The following PPP1R9A variants were observed in gnomAD, a reference collection of about 807,000 sequenced individuals.
PPP1R9A encodes the protein protein phosphatase 1 regulatory subunit 9A, also known as neurabin-1.
A neutral mutation model predicts 141.9 loss-of-function variants in PPP1R9A; 59 were observed. That is an observed-to-expected ratio of 0.42 (90% CI 0.34 to 0.52). The LOEUF (loss-of-function observed/expected upper bound fraction) is 0.52. Ranked by LOEUF, PPP1R9A falls within the 20% of genes least tolerant of loss-of-function variation. The probability of loss-of-function intolerance (pLI) is 0.10; values close to 1 mark genes in which losing one functional copy is unlikely to be tolerated. For missense variants in PPP1R9A, 1,444 were observed against 1,611.9 expected, an observed-to-expected ratio of 0.90 and a Z score of 1.78; for synonymous variants, 500 against 569.7, an observed-to-expected ratio of 0.88 and a Z score of 1.74.
Position 94,910,694 on chromosome 7 carries a change from G to A in PPP1R9A, c.581G>A (p.Arg194Gln), listed in dbSNP as rs1367953781. 9 of 1,614,124 alleles carry A rather than the reference G, an allele frequency of 5.6e-6. No individual in the cohort carries two copies. The East Asian group carries it at 6.7e-5, about 12-fold the overall frequency. The change falls in exon 2 of 20, where the codon CGA (arginine) becomes CAA (glutamine). Residue 194 changes from arginine (R) to glutamine (Q), a missense_variant. By Grantham distance (43) the Arg-to-Gln change is conservative. Transcript: ENST00000433360. The surrounding 1 kb of genome is among the most constrained non-coding windows in gnomAD (Gnocchi z 4.5). Reference sequence around the variant, plus strand: ...GATTCCTTGGACAGCCTTAGCTCCCGAACTGAGGCTGTCTCCCCAACTGTG... The same window carrying A: ...GATTCCTTGGACAGCCTTAGCTCCCAAACTGAGGCTGTCTCCCCAACTGTG... ...STDSLDSLSS[R>Q]TEAVSPTVSQ...
chr7:94,992,040 G>A (rs1801581233), intron 2 of PPP1R9A, among the ~76,000 whole-genome samples: 1 of 152,216 alleles, frequency 6.6e-6, no homozygotes, highest in South Asian at 2.1e-4. Flanking sequence ...CGTATTTAAA[G>A]TATACTATTT....
intron 5 of PPP1R9A, among the ~76,000 whole-genome samples, chr7:95,197,558 T>G (rs1471940454): frequency 6.6e-6 from 1 of 152,198 alleles, no homozygotes; most frequent in Non-Finnish European, 1.5e-5. Flanking sequence ...GTTTTTCATT[T>G]TAAAAACAAA....
chr7:95,198,429 G>A lies in PPP1R9A; in HGVS notation c.1835G>A (p.Arg612His), dbSNP rs747601107. ...LISQTLEQER[R>H]QRELLEQHYA... ...AGCCAGACACTGGAACAGGAGAGGC[G>A]CCAGAGAGAGCTGCTGGAACAGCAC... Residue 612 changes from arginine (R) to histidine (H), a missense_variant, in exon 6 of 20, where the codon CGC becomes CAC. Arg to His is a conservative substitution (Grantham distance 29). Transcript: ENST00000433360. The A allele has an allele frequency of 7.4e-6, 12 of 1,613,118 alleles. No homozygotes were observed. Among genetic ancestry groups the A allele is most frequent in the South Asian group, 5.5e-5 (5 of 90,934 alleles).
intron 2 of PPP1R9A, among the ~76,000 whole-genome samples, chr7:95,073,819 C>G (rs1022959765): frequency 1.3e-5 from 2 of 151,968 alleles, no homozygotes; most frequent in Non-Finnish European, 2.9e-5. Context: ...TGGGCCCAAG[C>G]AATCCTCCTG....
At chr7:95,038,327 G>A (rs1271968717) in intron 2 of PPP1R9A, among the ~76,000 whole-genome samples, 1 of 152,094 alleles carries the variant, frequency 6.6e-6, no homozygotes, top group African/African-American at 2.4e-5. Context: ...GGTAGGAACA[G>A]TTTAAATGGC....
chr7:95,070,602 T>TATATATATATATATATATAC (rs1563193398), intron 2 of PPP1R9A, among the ~76,000 whole-genome samples: 1 of 125,622 alleles, frequency 8.0e-6, no homozygotes, highest in Non-Finnish European at 1.8e-5. Flanking sequence ...GGTATATATA[T>TATATATATATATATATATAC]ATATATATAC....
intron 16 of PPP1R9A, among the ~76,000 whole-genome samples, chr7:95,275,370 T>C (rs527632924): frequency 7.0e-6 from 1 of 142,662 alleles, no homozygotes; most frequent in African/African-American, 2.6e-5. Flanking sequence ...ATCGCACCAC[T>C]GCACTCCTGG....
chr7:95,223,591 T>A (rs1585334317), intron 7 of PPP1R9A, among the ~76,000 whole-genome samples: 2 of 152,216 alleles, frequency 1.3e-5, no homozygotes, highest in East Asian at 3.9e-4. Context: ...ATATTTATAT[T>A]AATTCTCTCA....
chr7:95,292,611 G>A lies in PPP1R9A; in HGVS notation c.*2308G>A, dbSNP rs761022105. 1.3e-5 allele frequency: 2 copies of A among 152,066 alleles called. No individual in the cohort carries two copies. Among genetic ancestry groups the A allele is most frequent in the Admixed American group, 6.6e-5 (1 of 15,262 alleles). The allele number at this position is 152,066 out of a possible 1,614,324, so 9.4% of individuals were successfully genotyped here. A position where few individuals can be genotyped will look rare whatever the true frequency, so the allele number is the denominator to read the frequency against. ...TTGTATATTGAATGTTTAGATAAAT[G>A]TCCAACTGACAATGTTATAAATCAA... On this transcript the variant is annotated 3_prime_UTR_variant, in exon 20 of 20. Transcript: ENST00000433360.
chr7:95,207,795 A>T (rs908963155), intron 7 of PPP1R9A, among the ~76,000 whole-genome samples: 2 of 152,228 alleles, frequency 1.3e-5, no homozygotes, highest in African/African-American at 2.4e-5. Context: ...TACATAATTA[A>T]TGTAAAATAA....
chr7:95,269,770 C>T (rs554061360), intron 14 of PPP1R9A, among the ~76,000 whole-genome samples: 13 of 152,196 alleles, frequency 8.5e-5, no homozygotes, highest in Non-Finnish European at 1.9e-4. Context: ...GGGAGTGGGG[C>T]AGCCCAGAGT....
At chr7:95,053,522 C>T (rs757660678) in intron 2 of PPP1R9A, among the ~76,000 whole-genome samples, 8 of 152,096 alleles carry the variant, frequency 5.3e-5, no homozygotes, top group Non-Finnish European at 1.2e-4. Flanking sequence ...TGCTAGATAA[C>T]AGGAATAACA....
chr7:94,968,063 C>CG (rs1798410868), intron 2 of PPP1R9A, among the ~76,000 whole-genome samples: 1 of 152,180 alleles, frequency 6.6e-6, no homozygotes, highest in Non-Finnish European at 1.5e-5. Context: ...TCGTAGGTCT[C>CG]TAAGAACTTG....
intron 4 of PPP1R9A, among the ~76,000 whole-genome samples, chr7:95,136,498 G>T (rs978327027): frequency 2.6e-5 from 4 of 152,082 alleles, no homozygotes; most frequent in African/African-American, 7.2e-5. Flanking sequence ...AGTTAAAAAT[G>T]GTATTAAGGT....
At chr7:95,047,351 T>G (rs1810171034) in intron 2 of PPP1R9A, among the ~76,000 whole-genome samples, 1 of 152,220 alleles carries the variant, frequency 6.6e-6, no homozygotes, top group Non-Finnish European at 1.5e-5. Context: ...CAATACAGTT[T>G]CAGTCTTCAG....
intron 2 of PPP1R9A, among the ~76,000 whole-genome samples, chr7:95,092,423 G>T (rs1185026812): frequency 6.7e-6 from 1 of 149,118 alleles, no homozygotes; most frequent in Non-Finnish European, 1.5e-5. Flanking sequence ...CCAGAATCTT[G>T]GATGCCCTAA....
intron 4 of PPP1R9A, among the ~76,000 whole-genome samples, chr7:95,137,855 G>T (rs951584782): frequency 1.3e-5 from 2 of 151,816 alleles, no homozygotes; most frequent in Non-Finnish European, 2.9e-5. Context: ...TATGCCATTG[G>T]TATAGAAATA....
At chr7:95,288,236 T>G (rs940337497) in intron 18 of PPP1R9A, among the ~76,000 whole-genome samples, 1 of 152,256 alleles carries the variant, frequency 6.6e-6, no homozygotes, top group Non-Finnish European at 1.5e-5. Flanking sequence ...TTTCTACATC[T>G]TATAATCTGT....
chr7:94,921,214 T>A (rs1294562992), intron 2 of PPP1R9A, among the ~76,000 whole-genome samples: 2 of 151,898 alleles, frequency 1.3e-5, no homozygotes, highest in East Asian at 3.9e-4. Context: ...TGGGAGGCTG[T>A]GGCGGGCGGA....
Sources: gnomAD v4.1 joint callset for allele counts (sites outside exome capture counted in the v4.1 genomes callset) on GRCh38, gnomAD v4.1.1 for gene constraint, Gnocchi (gnomAD v3.1) non-coding constraint, MANE v1.5 for transcripts, NCBI Gene and HGNC (gene_info 2026-07-23, HGNC 2026-07-21) for gene names.